The following PPP2R2B variants were observed in gnomAD, a reference collection of about 807,000 sequenced individuals.
PPP2R2B encodes the protein protein phosphatase 2 regulatory subunit Bbeta.
PPP2R2B carries 5 observed loss-of-function variants against 46.0 expected under a neutral mutation model. That is an observed-to-expected ratio of 0.11 (90% CI 0.06 to 0.23). The LOEUF (loss-of-function observed/expected upper bound fraction) is 0.23. PPP2R2B is among the 10% of genes least tolerant of loss of function. The pLI, the probability that PPP2R2B is intolerant of heterozygous loss-of-function variation, is 1.00. For missense variants in PPP2R2B, 367 were observed against 575.0 expected (o/e 0.64, Z 3.70); for synonymous variants, 215 against 206.7 (o/e 1.04, Z -0.34).
intron 2 of PPP2R2B, among the ~76,000 whole-genome samples, chr5:146,822,716 G>C (rs1758345260): frequency 6.6e-6 from 1 of 151,320 alleles, no homozygotes; most frequent in Non-Finnish European, 1.5e-5. Flanking sequence ...TATTAGAAAA[G>C]AGAGAAATCT....
intron 2 of PPP2R2B, among the ~76,000 whole-genome samples, chr5:146,753,634 C>G (rs761828303): frequency 6.6e-6 from 1 of 151,994 alleles, no homozygotes; most frequent in Non-Finnish European, 1.5e-5. Context: ...GTCTGATGCT[C>G]GGTTTTAAAC....
upstream of PPP2R2B, chr5:146,879,094 A>G (rs1762075984): frequency 4.5e-6 from 1 of 220,876 alleles, no homozygotes; most frequent in South Asian, 8.2e-5. Flanking sequence ...GTTCCTTTGG[A>G]TAGTCAGGAA....
chr5:147,080,313 A>G (rs1157637319), intron 2 of PPP2R2B, among the ~76,000 whole-genome samples: 1 of 152,158 alleles, frequency 6.6e-6, no homozygotes, highest in Admixed American at 6.5e-5. Flanking sequence ...ATCTAAACCT[A>G]CCATCAAAGC....
intron 5 of PPP2R2B, among the ~76,000 whole-genome samples, chr5:146,676,980 A>C (rs140543957): frequency 1.6e-3 from 241 of 152,292 alleles, no homozygotes; most frequent in African/African-American, 5.4e-3. Flanking sequence ...AATAATGATA[A>C]CCAAGTGTGG....
chr5:146,794,744 T>C (rs750406808), intron 2 of PPP2R2B, among the ~76,000 whole-genome samples: 5 of 152,162 alleles, frequency 3.3e-5, no homozygotes, highest in Non-Finnish European at 5.9e-5. Flanking sequence ...TTGCTTTATG[T>C]TTTTACTTAG....
At chr5:146,835,555 G>T (rs1454876969) in intron 2 of PPP2R2B, among the ~76,000 whole-genome samples, 1 of 152,100 alleles carries the variant, frequency 6.6e-6, no homozygotes, top group Admixed American at 6.5e-5. Flanking sequence ...CCTCAGGTTT[G>T]CCAGTCTCAG....
chr5:147,081,388 A>G, exon 1 of PPP2R2B: 1 of 1,284,382 alleles, frequency 7.8e-7, no homozygotes, highest in Non-Finnish European at 1.1e-6. Flanking sequence ...TTTGAACTGG[A>G]GCAATTGGAG....
chr5:146,788,040 C>A (rs1755953197), intron 2 of PPP2R2B, among the ~76,000 whole-genome samples: 1 of 152,096 alleles, frequency 6.6e-6, no homozygotes, highest in African/African-American at 2.4e-5. Flanking sequence ...CAAAACTGAG[C>A]AGGCTTGGTG....
At chr5:146,730,601 C>T (rs747635908) in intron 2 of PPP2R2B, among the ~76,000 whole-genome samples, 1 of 152,106 alleles carries the variant, frequency 6.6e-6, no homozygotes, top group Non-Finnish European at 1.5e-5. Context: ...CCAGTCTTTC[C>T]CGTGCTAGTC....
chr5:146,674,969 G>A (rs1777610357), intron 5 of PPP2R2B, among the ~76,000 whole-genome samples: 1 of 151,992 alleles, frequency 6.6e-6, no homozygotes, highest in African/African-American at 2.4e-5. Context: ...TATTATTATT[G>A]TTATTATTAT....
chr5:146,964,567 C>A (rs1040259973), intron 1 of PPP2R2B, among the ~76,000 whole-genome samples: 1 of 151,886 alleles, frequency 6.6e-6, no homozygotes, highest in Non-Finnish European at 1.5e-5. Flanking sequence ...GCTCTGTCAC[C>A]CAGACTGGAG....
rs192327383 is a variant in PPP2R2B at position 146,827,360 on chromosome 5, C to T, written c.70+50642G>A. Among the ~76,000 whole-genome samples, 30 of 152,238 alleles carry T rather than the reference C, an allele frequency of 2.0e-4. No individual in the cohort carries two copies. The East Asian group carries it at 5.6e-3, about 28-fold the overall frequency. On this transcript the variant is annotated intron_variant, in intron 2 of 9. Transcript: ENST00000394411. ...CTCAGCTACAACAAAAAATGTAGCA[C>T]AGACCATAGATCAAGGCATAGAGTA...
At chr5:146,907,077 C>A (rs563584476) in intron 1 of PPP2R2B, among the ~76,000 whole-genome samples, 4 of 152,066 alleles carry the variant, frequency 2.6e-5, no homozygotes, top group Non-Finnish European at 5.9e-5. Flanking sequence ...CAGAAGATAG[C>A]GCAGGATGCC....
rs1561927654 is a variant in PPP2R2B at position 146,812,805 on chromosome 5, A to ATG, written c.70+65196_70+65197insCA. 2.7e-3 allele frequency among the ~76,000 whole-genome samples: 156 copies of ATG among 57,144 alleles called. 22 individuals are homozygous for ATG. The highest frequency in any genetic ancestry group is 4.2e-3 in the Non-Finnish European group (130 of 30,744). 37.5% of individuals were successfully genotyped at this position (57,144 alleles called of 152,430 possible). A position where few individuals can be genotyped will look rare whatever the true frequency, so the allele number is the denominator to read the frequency against. ...TGTGTATATGTGTGTATATATATAT[A>ATG]TATATATATATATATATATATATAC... On this transcript the variant is annotated intron_variant, in intron 2 of 9. Transcript: ENST00000394411.
At chr5:146,945,049 G>A (rs1465581053) in intron 1 of PPP2R2B, among the ~76,000 whole-genome samples, 2 of 152,152 alleles carry the variant, frequency 1.3e-5, no homozygotes, top group African/African-American at 4.8e-5. Flanking sequence ...TCTAGTATAC[G>A]TTAGCCATAG....
intron 1 of PPP2R2B, among the ~76,000 whole-genome samples, chr5:146,974,785 T>C (rs1229722318): frequency 2.0e-5 from 3 of 149,902 alleles, no homozygotes; most frequent in Non-Finnish European, 4.4e-5. Flanking sequence ...CGCCTACGGG[T>C]TCACGCCATT....
chr5:147,077,785 A>G (rs982739948), intron 2 of PPP2R2B, among the ~76,000 whole-genome samples: 4 of 152,182 alleles, frequency 2.6e-5, no homozygotes, highest in Non-Finnish European at 5.9e-5. Context: ...CTTTCCAAAC[A>G]AAATAGGGAT....
chr5:147,044,926 T>C (rs1390595380), intron 1 of PPP2R2B, among the ~76,000 whole-genome samples: 2 of 152,208 alleles, frequency 1.3e-5, no homozygotes, highest in Non-Finnish European at 2.9e-5. Context: ...CTTTTGCAAG[T>C]GGTCTGCCTG....
At chr5:146,707,101 A>G in intron 2 of PPP2R2B, 1 of 1,568,968 alleles carries the variant, frequency 6.4e-7, no homozygotes, top group Non-Finnish European at 8.7e-7. Flanking sequence ...GTCCTCCACC[A>G]GCCCCTGCGT....
Sources: gnomAD v4.1 joint callset for allele counts (sites outside exome capture counted in the v4.1 genomes callset) on GRCh38, gnomAD v4.1.1 for gene constraint, MANE v1.5 for transcripts, NCBI Gene and HGNC (gene_info 2026-07-23, HGNC 2026-07-21) for gene names.